The following IMMP2L variants were observed in gnomAD, a reference collection of about 807,000 sequenced individuals.
IMMP2L encodes the protein mitochondrial inner membrane protease subunit 2.
Under a neutral mutation model 19.3 loss-of-function variants are expected in IMMP2L, and 18 were observed. That is an observed-to-expected ratio of 0.93 (90% confidence interval 0.64 to 1.38). The LOEUF is 1.38. IMMP2L is among the 40% of genes most tolerant of loss of function. The pLI is 0.00. For synonymous variants in IMMP2L, 76 were observed against 73.0 expected (o/e 1.04, Z -0.21); for missense variants, 233 against 218.2 (o/e 1.07, Z -0.43).
chr7:110,842,159 T>A (rs1051867900), intron 5 of IMMP2L, among the ~76,000 whole-genome samples: 2 of 152,208 alleles, frequency 1.3e-5, no homozygotes, highest in Non-Finnish European at 2.9e-5. Flanking sequence ...TCCAAAAATT[T>A]CCTAACTATT....
chr7:110,925,526 A>G (rs1192589800), intron 4 of IMMP2L, among the ~76,000 whole-genome samples: 2 of 152,092 alleles, frequency 1.3e-5, no homozygotes, highest in Non-Finnish European at 2.9e-5. Flanking sequence ...AAGATACGAG[A>G]CTACTTGACA....
At chr7:111,228,966 CGT>C (rs10530563) in intron 3 of IMMP2L, among the ~76,000 whole-genome samples, 17,503 of 143,800 alleles carry the variant, frequency 0.12, 1,064 homozygotes, top group Middle Eastern at 0.19. Context: ...ACTAGCAATG[CGT>C]GTGTGTGTGT....
At chr7:110,832,522 G>A (rs150885405) in intron 5 of IMMP2L, among the ~76,000 whole-genome samples, 47 of 152,026 alleles carry the variant, frequency 3.1e-4, no homozygotes, top group Admixed American at 3.9e-4. Context: ...TGCTGGTGGC[G>A]TGCTTCCTAG....
At chr7:110,731,743 TATATC>T (rs770135493) in intron 5 of IMMP2L, among the ~76,000 whole-genome samples, 68 of 152,308 alleles carry the variant, frequency 4.5e-4, no homozygotes, top group Non-Finnish European at 8.2e-4. Context: ...AGTAATTATT[TATATC>T]ATAAGTATGA....
intron 3 of IMMP2L, among the ~76,000 whole-genome samples, chr7:111,070,055 G>C (rs559685489): frequency 6.6e-6 from 1 of 152,146 alleles, no homozygotes; most frequent in South Asian, 2.1e-4. Context: ...CAGATTTACA[G>C]GTTGGAAGGA....
intron 2 of IMMP2L, among the ~76,000 whole-genome samples, chr7:111,491,037 CTCT>C (rs1299443601): frequency 1.3e-5 from 2 of 152,016 alleles, no homozygotes; most frequent in African/African-American, 4.8e-5. Context: ...AGACTAACTC[CTCT>C]TCTTTCTCCT....
chr7:111,221,602 C>T (rs1036070015), intron 3 of IMMP2L, among the ~76,000 whole-genome samples: 12 of 151,700 alleles, frequency 7.9e-5, no homozygotes, highest in African/African-American at 2.2e-4. Flanking sequence ...AATCACATTA[C>T]GGGGAAAATT....
At chr7:111,146,735 A>G (rs1318488068) in intron 3 of IMMP2L, among the ~76,000 whole-genome samples, 1 of 152,136 alleles carries the variant, frequency 6.6e-6, no homozygotes, top group Non-Finnish European at 1.5e-5. Flanking sequence ...TAATGGATGA[A>G]AAAGGGAATT....
intron 3 of IMMP2L, among the ~76,000 whole-genome samples, chr7:111,360,661 T>A (rs1829174261): frequency 6.6e-6 from 1 of 151,776 alleles, no homozygotes; most frequent in Non-Finnish European, 1.5e-5. Context: ...CTACAAAAAA[T>A]AAAAAAATTA....
At chr7:111,294,226 C>T (rs1029935963) in intron 3 of IMMP2L, among the ~76,000 whole-genome samples, 1 of 151,766 alleles carries the variant, frequency 6.6e-6, no homozygotes, top group African/African-American at 2.4e-5. Context: ...CCAGGGCTAA[C>T]AAAAGTATAT....
At chr7:111,020,086 TAAA>T (rs57238777) in intron 3 of IMMP2L, among the ~76,000 whole-genome samples, 1 of 140,264 alleles carries the variant, frequency 7.1e-6, no homozygotes, top group African/African-American at 2.6e-5. Context: ...ATACAACAAT[TAAA>T]AAAAAAAAAA....
intron 3 of IMMP2L, among the ~76,000 whole-genome samples, chr7:111,082,855 C>CAA (rs59384730): frequency 0.063 from 4,462 of 71,140 alleles, 266 homozygotes; most frequent in African/African-American, 0.18. Flanking sequence ...GCGATTTTGC[C>CAA]AAAAAAAAAA....
At chr7:110,688,646 G>C (rs977726110) in intron 5 of IMMP2L, among the ~76,000 whole-genome samples, 2 of 151,912 alleles carry the variant, frequency 1.3e-5, no homozygotes, top group Non-Finnish European at 2.9e-5. Flanking sequence ...TCCATTATTA[G>C]TTTACATAAA....
intron 5 of IMMP2L, among the ~76,000 whole-genome samples, chr7:110,786,478 G>C (rs1316617144): frequency 6.6e-6 from 1 of 152,084 alleles, no homozygotes; most frequent in Non-Finnish European, 1.5e-5. Context: ...CTGGAAAATG[G>C]AGGAAATGAA....
At chr7:111,142,267 A>G (rs1802981513) in intron 3 of IMMP2L, among the ~76,000 whole-genome samples, 1 of 150,956 alleles carries the variant, frequency 6.6e-6, no homozygotes, top group Admixed American at 6.6e-5. Context: ...TAGAGGTTGC[A>G]GTGAGCCAAG....
At chr7:110,742,544 G>A (rs1020766702) in intron 5 of IMMP2L, among the ~76,000 whole-genome samples, 5 of 151,982 alleles carry the variant, frequency 3.3e-5, no homozygotes, top group East Asian at 1.9e-4. Flanking sequence ...CAAGGCAAGC[G>A]GATCACAAGG....
intron 5 of IMMP2L, among the ~76,000 whole-genome samples, chr7:110,853,196 C>A (rs1806420378): frequency 6.6e-6 from 1 of 151,710 alleles, no homozygotes; most frequent in South Asian, 2.1e-4. Flanking sequence ...CAAACATACA[C>A]AAATGCACAA....
chr7:111,011,950 A>G (rs965159913), intron 3 of IMMP2L, among the ~76,000 whole-genome samples: 4 of 152,112 alleles, frequency 2.6e-5, no homozygotes, highest in Non-Finnish European at 4.4e-5. Flanking sequence ...ACAGCTGGGC[A>G]GCATATTACT....
intron 4 of IMMP2L, among the ~76,000 whole-genome samples, chr7:110,917,058 T>C (rs1011465449): frequency 3.3e-5 from 5 of 152,148 alleles, no homozygotes; most frequent in African/African-American, 1.2e-4. Flanking sequence ...ATTATCTGGG[T>C]GCATCCTACA....
Sources: allele counts gnomAD v4.1 joint callset (sites outside exome capture counted in the v4.1 genomes callset), GRCh38; gene constraint gnomAD v4.1.1; transcripts MANE v1.5; gene names NCBI Gene and HGNC (gene_info 2026-07-23, HGNC 2026-07-21).